Variants in ITPR1 observed in about 807,000 individuals in gnomAD.
ITPR1 encodes the protein inositol 1,4,5-trisphosphate receptor type 1, also known as inositol 1,4,5-trisphosphate-gated calcium channel ITPR1.
In ITPR1, 96 loss-of-function variants were observed where a neutral mutation model predicts 318.4. The observed-to-expected ratio is 0.30, with a 90% CI of 0.26 to 0.36. The LOEUF (loss-of-function observed/expected upper bound fraction) is 0.36, where lower values mean the gene tolerates loss of function less well. Ranked by LOEUF, ITPR1 falls within the 10% of genes least tolerant of loss-of-function variation. The pLI is 1.00. For missense variants in ITPR1, 2,440 were observed against 3,460.2 expected, an observed-to-expected ratio of 0.71 and a Z score of 7.40; for synonymous variants, 1,312 against 1,289.9, an observed-to-expected ratio of 1.02 and a Z score of -0.37.
chr3:4,760,889 G>A (rs9831960), intron 44 of ITPR1, among the ~76,000 whole-genome samples: 84,259 of 152,058 alleles, frequency 0.55, 24,755 homozygotes, highest in Non-Finnish European at 0.67. Flanking sequence ...CTTTAAGGTC[G>A]GTGATTAGCA....
At chr3:4,762,742 T>C (rs1477227539) in intron 44 of ITPR1, among the ~76,000 whole-genome samples, 1 of 152,232 alleles carries the variant, frequency 6.6e-6, no homozygotes, top group Admixed American at 6.5e-5. Context: ...AAACCTGCCC[T>C]GCTAATTCCT....
intron 4 of ITPR1, among the ~76,000 whole-genome samples, chr3:4,547,570 C>T (rs2085143977): frequency 6.6e-6 from 1 of 152,168 alleles, no homozygotes; most frequent in African/African-American, 2.4e-5. Flanking sequence ...TGTAATGTAA[C>T]TTGGGTTCAA....
intron 4 of ITPR1, among the ~76,000 whole-genome samples, chr3:4,626,155 A>C (rs939028732): frequency 1.3e-5 from 2 of 151,954 alleles, no homozygotes; most frequent in African/African-American, 4.8e-5. Context: ...CTCTTTAAAA[A>C]AAAAATTGGT....
At chr3:4,799,427 G>A (rs1299897580) in intron 53 of ITPR1, among the ~76,000 whole-genome samples, 3 of 152,200 alleles carry the variant, frequency 2.0e-5, no homozygotes, top group Non-Finnish European at 4.4e-5. Context: ...TTAAAGTGAG[G>A]CTGAATCTCC....
chr3:4,611,386 C>A (rs1055832162), intron 4 of ITPR1, among the ~76,000 whole-genome samples: 1 of 151,528 alleles, frequency 6.6e-6, no homozygotes, highest in African/African-American at 2.4e-5. Flanking sequence ...ATGGTGAAAC[C>A]CCGTCTTTAC....
intron 60 of ITPR1, among the ~76,000 whole-genome samples, chr3:4,836,543 T>C (rs2106543528): frequency 6.6e-6 from 1 of 152,258 alleles, no homozygotes; most frequent in East Asian, 1.9e-4. Context: ...ATTTCCCCTA[T>C]ATTTAAATTT....
chr3:4,730,873 C>G (rs766755303), intron 42 of ITPR1, among the ~76,000 whole-genome samples: 1 of 152,172 alleles, frequency 6.6e-6, no homozygotes, highest in Non-Finnish European at 1.5e-5. Flanking sequence ...ATTCCCGTTG[C>G]GATGGCTACG....
At chr3:4,805,992 C>A in intron 54 of ITPR1, 111 bp from the exon 55 acceptor site, 2 of 893,590 alleles carry the variant, frequency 2.2e-6, no homozygotes, top group Non-Finnish European at 3.3e-6. Flanking sequence ...GAAAAGGAAG[C>A]GTTTGTTTGG....
At chr3:4,509,677 G>A (rs1240885532) in intron 2 of ITPR1, among the ~76,000 whole-genome samples, 1 of 152,182 alleles carries the variant, frequency 6.6e-6, no homozygotes, top group African/African-American at 2.4e-5. Flanking sequence ...CGCACCGGTA[G>A]TTCTAGCTAC....
chr3:4,637,920 G>A (rs935115739), intron 5 of ITPR1, among the ~76,000 whole-genome samples: 3 of 152,160 alleles, frequency 2.0e-5, no homozygotes, highest in East Asian at 3.9e-4. Flanking sequence ...AGAAAGTAGC[G>A]TATAATAATA....
chr3:4,794,968 G>A, intron 52 of ITPR1, 97 bp from the exon 53 acceptor site: 2 of 1,350,782 alleles, frequency 1.5e-6, no homozygotes, highest in Non-Finnish European at 9.9e-7. Context: ...AACAAAAGTG[G>A]ACTTGTGGGG....
chr3:4,571,675 T>G (rs2088010594), intron 4 of ITPR1, among the ~76,000 whole-genome samples: 1 of 152,084 alleles, frequency 6.6e-6, no homozygotes, highest in Admixed American at 6.5e-5. Context: ...TCTCCCTTCT[T>G]TAGGCCTTCA....
chr3:4,532,685 C>A (rs2083518588), intron 4 of ITPR1, among the ~76,000 whole-genome samples: 1 of 152,208 alleles, frequency 6.6e-6, no homozygotes, highest in Non-Finnish European at 1.5e-5. Context: ...TTCTACATTT[C>A]TAACAAGTTG....
chr3:4,499,102 T>G (rs1435584038), intron 2 of ITPR1, among the ~76,000 whole-genome samples: 1 of 152,200 alleles, frequency 6.6e-6, no homozygotes, highest in Admixed American at 6.5e-5. Flanking sequence ...TGTAATATAC[T>G]ATGATTGCAT....
At chr3:4,542,213 C>G (rs889795427) in intron 4 of ITPR1, among the ~76,000 whole-genome samples, 1 of 152,186 alleles carries the variant, frequency 6.6e-6, no homozygotes, top group African/African-American at 2.4e-5. Flanking sequence ...ACAGTAGGTG[C>G]TATCTCTACA....
At chr3:4,657,388 T>TTTG (rs1470038019) in intron 12 of ITPR1, among the ~76,000 whole-genome samples, 7 of 150,574 alleles carry the variant, frequency 4.6e-5, no homozygotes, top group African/African-American at 1.7e-4. Flanking sequence ...TACCTAGAGT[T>TTTG]TTTTTTTTGT....
chr3:4,610,088 G>A (rs2091982318), intron 4 of ITPR1, among the ~76,000 whole-genome samples: 1 of 152,168 alleles, frequency 6.6e-6, no homozygotes. Flanking sequence ...TGTGCTGGCT[G>A]GAATGCAACA....
intron 4 of ITPR1, among the ~76,000 whole-genome samples, chr3:4,598,535 T>TC (rs2091028407): frequency 6.6e-6 from 1 of 151,856 alleles, no homozygotes; most frequent in Admixed American, 6.6e-5. Context: ...GACAGGAGGA[T>TC]TGCTTGAGCT....
chr3:4,508,337 C>A (rs965296450), intron 2 of ITPR1, among the ~76,000 whole-genome samples: 3 of 152,026 alleles, frequency 2.0e-5, no homozygotes, highest in African/African-American at 4.8e-5. Context: ...GCCTGTCCAC[C>A]CTTGAAGATT....
Sources: gnomAD v4.1 joint callset for allele counts (sites outside exome capture counted in the v4.1 genomes callset) on GRCh38, gnomAD v4.1.1 for gene constraint, MANE v1.5 for transcripts, NCBI Gene and HGNC (gene_info 2026-07-23, HGNC 2026-07-21) for gene names.